CPSF2: variants seen among roughly 807,000 people sequenced by gnomAD.
The protein encoded by CPSF2 is cleavage and polyadenylation specific factor 2.
A neutral mutation model predicts 84.2 loss-of-function variants in CPSF2; 51 were observed. The ratio of observed to expected loss-of-function variants is 0.61; its 90% CI spans 0.48 to 0.77. CPSF2 has a LOEUF of 0.77. CPSF2 is among the 30% of genes least tolerant of loss of function. The pLI, the probability that CPSF2 is intolerant of heterozygous loss-of-function variation, is 0.00. For synonymous variants in CPSF2, 286 were observed against 311.9 expected (o/e 0.92, Z 0.87); for missense variants, 641 against 929.4 (o/e 0.69, Z 4.03).
At position 92,134,295 on chromosome 14, in the gene CPSF2, G is replaced by T. The variant is rs2068971961; in HGVS notation, c.355G>T (p.Val119Leu). The T allele has an allele frequency of 6.2e-7, 1 of 1,613,746 alleles. No homozygotes were observed. The highest frequency in any genetic ancestry group is 1.7e-5 in the Admixed American group (1 of 60,012). ...TTTTACACTCTTTACATTAGATGAT[G>T]TGGATGCAGCCTTTGATAAAATACA... ...EDFTLFTLDD[V>L]DAAFDKIQQL... The change falls in exon 5 of 16, where the codon GTG becomes TTG. Residue 119 changes from valine to leucine, a missense_variant. By Grantham distance (32) the Val-to-Leu change is conservative (BLOSUM62 1). This residue lies in a region of CPSF2 where 211 missense variants were observed against 375.7 expected (regional missense o/e 0.56). Transcript: ENST00000298875.
At chr14:92,160,229 C>T (rs1253804447) in intron 14 of CPSF2, among the ~76,000 whole-genome samples, 2 of 152,236 alleles carry the variant, frequency 1.3e-5, no homozygotes, top group Non-Finnish European at 2.9e-5. Flanking sequence ...TCCCAAAGTG[C>T]TGGGATTACA....
chr14:92,153,154 T>A (rs951086831), intron 9 of CPSF2, among the ~76,000 whole-genome samples: 1 of 149,696 alleles, frequency 6.7e-6, no homozygotes, highest in Non-Finnish European at 1.5e-5. Flanking sequence ...TTTCCCCATG[T>A]ATGGCATTGC....
Position 92,157,230 on chromosome 14 carries a change from G to A in CPSF2, c.1596-429G>A, listed in dbSNP as rs577893730. 4.1e-4 allele frequency among the ~76,000 whole-genome samples: 62 copies of A among 151,988 alleles called. No homozygotes were observed. The highest frequency in any genetic ancestry group is 7.4e-4 in the Non-Finnish European group (50 of 67,962). On this transcript the variant is annotated intron_variant, in intron 12 of 15. Transcript: ENST00000298875. The surrounding 1 kb of genome is among the most constrained non-coding windows in gnomAD (Gnocchi z 4.0). ...AAATCTAAATAATACAGATAGGGCC[G>A]GGCACGGTGGCTGATGCCTGTAATC...
chr14:92,157,417 G>A lies in CPSF2; in HGVS notation c.1596-242G>A, dbSNP rs749230424. ...AGTTACTTGGGAGGCTGAGTCAGGA[G>A]AATCACTTGAACCTGGGAGGTAGAG... On this transcript the variant is annotated intron_variant, in intron 12 of 15. Transcript: ENST00000298875. The surrounding 1 kb of genome is among the most constrained non-coding windows in gnomAD (Gnocchi z 4.0). 4.6e-5 allele frequency among the ~76,000 whole-genome samples: 7 copies of A among 152,178 alleles called. No homozygotes were observed. Among genetic ancestry groups the A allele is most frequent in the Non-Finnish European group, 8.8e-5 (6 of 68,034 alleles).
chr14:92,130,116 A>G (rs901125094), intron 2 of CPSF2, among the ~76,000 whole-genome samples: 1 of 152,136 alleles, frequency 6.6e-6, no homozygotes, highest in Non-Finnish European at 1.5e-5. Context: ...ATTTCATCAG[A>G]TATATGTTGA....
intron 2 of CPSF2, among the ~76,000 whole-genome samples, chr14:92,130,027 C>T (rs375170978): frequency 3.8e-4 from 58 of 152,216 alleles, no homozygotes; most frequent in Middle Eastern, 3.4e-3. Flanking sequence ...GGATCACAGG[C>T]GTGAGCCACC....
At position 92,166,184 on chromosome 14, in the gene CPSF2, A is replaced by G. The variant is rs987036093; in HGVS notation, c.*4440A>G. 5 of 152,034 alleles carry G rather than the reference A, an allele frequency of 3.3e-5. No individual in the cohort carries two copies. Among genetic ancestry groups the G allele is most frequent in the Non-Finnish European group, 7.4e-5 (5 of 68,004 alleles). 9.4% of individuals were successfully genotyped at this position (152,034 alleles called of 1,614,324 possible). A position where few individuals can be genotyped will look rare whatever the true frequency, so the allele number is the denominator to read the frequency against. ...GCCTTGGTTTTATATCTTAAAAGCT[A>G]TTCCTTCATTCAAAGTCACGAAGGT... On this transcript the variant is annotated 3_prime_UTR_variant, in exon 16 of 16. Transcript: ENST00000298875.
chr14:92,143,203 A>G lies in CPSF2; in HGVS notation c.1049A>G (p.Lys350Arg), dbSNP rs767638006. The stretch of plus-strand genomic sequence containing the variant: ...TTTATTCAGTGGTGTCAGGACCCTA[A>G]AAACTCAATCATTCTAACCTACAGA... ...DLFIQWCQDP[K>R]NSIILTYRTT... Residue 350 changes from lysine to arginine, a missense_variant, in exon 9 of 16, where the codon AAA becomes AGA. By Grantham distance (26) the Lys-to-Arg change is conservative. Around this residue, in one of 2 missense-constraint regions of CPSF2, gnomAD observed 430 missense variants for 553.6 expected, o/e 0.78. Coordinates refer to ENST00000298875, the MANE Select transcript of CPSF2 (RefSeq NM_017437.3). The G allele has an allele frequency of 1.2e-6, 2 of 1,613,920 alleles. No individual in the cohort carries two copies. The highest frequency in any genetic ancestry group is 8.5e-7 in the Non-Finnish European group (1 of 1,179,834).
chr14:92,130,247 C>T (rs150087434), intron 2 of CPSF2, among the ~76,000 whole-genome samples: 7 of 151,306 alleles, frequency 4.6e-5, no homozygotes, highest in African/African-American at 1.7e-4. Flanking sequence ...TGAATTTCTA[C>T]GTGTATATGT....
In CPSF2 at chr14:92,170,455, C is replaced by T. The variant is rs1468593715; in HGVS notation, c.*8711C>T. On this transcript the variant is annotated 3_prime_UTR_variant, in exon 16 of 16. Coordinates refer to ENST00000298875, the MANE Select transcript of CPSF2 (RefSeq NM_017437.3). ...AACCACAGTACTTAAAATCAGGAAA[C>T]CAGCATTGATAAAATTCTACCATTT... 1 of 152,168 alleles carries T rather than the reference C, an allele frequency of 6.6e-6. No individual in the cohort carries two copies. Among genetic ancestry groups the T allele is most frequent in the Non-Finnish European group, 1.5e-5 (1 of 68,028 alleles). 9.4% of individuals were successfully genotyped at this position (152,168 alleles called of 1,614,324 possible).
Position 92,156,638 on chromosome 14 carries a change from G to T in CPSF2, c.1595+7G>T. ...CAGAGTCTATTGAAATAAAGTAAGT[G>T]CTTTTGTGACATTTTGAAAATAGAT... is the stretch of plus-strand genomic sequence containing the variant. On this transcript the variant is annotated splice_region_variant and intron_variant, in intron 12 of 15. Coordinates refer to ENST00000298875, the MANE Select transcript of CPSF2 (RefSeq NM_017437.3). 1 of 1,511,322 alleles carries T rather than the reference G, an allele frequency of 6.6e-7. No homozygotes were observed. The highest frequency in any genetic ancestry group is 1.3e-5 in the South Asian group (1 of 75,996). The allele number at this position is 1,511,322 out of a possible 1,614,324, so 93.6% of individuals were successfully genotyped here.
chr14:92,167,895 T>TTG lies in CPSF2; in HGVS notation c.*6152_*6153insGT. On this transcript the variant is annotated 3_prime_UTR_variant, in exon 16 of 16. Coordinates refer to ENST00000298875, the MANE Select transcript of CPSF2 (RefSeq NM_017437.3). ...GTGATTGAGAGGTTAATTGCAGGTT[T>TTG]TTTTTTTTTTTTTTTCTGGTAACCA... The TTG allele has an allele frequency of 9.8e-6, 1 of 102,018 alleles. No individual in the cohort carries two copies. Among genetic ancestry groups the TTG allele is most frequent in the East Asian group, 8.8e-4 (1 of 1,134 alleles). The allele number at this position is 102,018 out of a possible 1,614,324, so 6.3% of individuals were successfully genotyped here.
intron 2 of CPSF2, among the ~76,000 whole-genome samples, chr14:92,128,642 TCATGAATTG>T (rs1293634455): frequency 6.6e-6 from 1 of 152,062 alleles, no homozygotes; most frequent in African/African-American, 2.4e-5. Context: ...TGTTAACAGA[TCATGAATTG>T]AAGGTGAGGA....
At chr14:92,151,584 A>G (rs547696691) in intron 9 of CPSF2, among the ~76,000 whole-genome samples, 1 of 152,302 alleles carries the variant, frequency 6.6e-6, no homozygotes, top group East Asian at 1.9e-4. Flanking sequence ...GACTATTTAC[A>G]TATTTTTCCC....
At chr14:92,124,347 G>C (rs1420119994) in intron 1 of CPSF2, among the ~76,000 whole-genome samples, 6 of 152,190 alleles carry the variant, frequency 3.9e-5, no homozygotes, top group African/African-American at 1.4e-4. Flanking sequence ...CTAGATGAAA[G>C]GAAATGGGCA....
At chr14:92,143,754 T>G (rs2069109222) in intron 9 of CPSF2, among the ~76,000 whole-genome samples, 1 of 151,178 alleles carries the variant, frequency 6.6e-6, no homozygotes, top group Non-Finnish European at 1.5e-5. Context: ...CATAGACATG[T>G]GCCACCATGC....
Position 92,139,416 on chromosome 14 carries a change from C to CA in CPSF2, c.661+1080dup, listed in dbSNP as rs569516826. Among the ~76,000 whole-genome samples the CA allele has an allele frequency of 1.1e-3, 141 of 125,288 alleles. 1 individual carries two copies. The South Asian group carries it at 0.02, about 18-fold the overall frequency. 82.2% of individuals were successfully genotyped at this position (125,288 alleles called of 152,430 possible). ...TGGGCTACAGAGTGAGACTCCGTCTCAAAAAAAAAAAGAAAAATGAACAAA... is the reference window on the plus strand; with the variant it reads ...TGGGCTACAGAGTGAGACTCCGTCTCAAAAAAAAAAAAGAAAAATGAACAAA... On this transcript the variant is annotated intron_variant, in intron 7 of 15. Transcript: ENST00000298875.
At chr14:92,142,076 C>T (rs1384393818) in intron 7 of CPSF2, 88 bp from the exon 8 acceptor site, 7 of 1,052,296 alleles carry the variant, frequency 6.7e-6, no homozygotes, top group Non-Finnish European at 2.7e-6. Flanking sequence ...TATAGTCTTT[C>T]TAATAAAAAC....
At chr14:92,147,227 G>A (rs2069155360) in intron 9 of CPSF2, among the ~76,000 whole-genome samples, 1 of 152,064 alleles carries the variant, frequency 6.6e-6, no homozygotes, top group South Asian at 2.1e-4. Context: ...AAGTGAATAT[G>A]GAATAAACTA....
Sources: gnomAD v4.1 joint callset for allele counts (sites outside exome capture counted in the v4.1 genomes callset) on GRCh38, gnomAD v4.1.1 for gene constraint, gnomAD v4.1.1 regional missense constraint, Gnocchi (gnomAD v3.1) non-coding constraint, MANE v1.5 for transcripts, NCBI Gene and HGNC (gene_info 2026-07-23, HGNC 2026-07-21) for gene names.